Variants in BLTP1 observed in about 807,000 individuals in gnomAD.
BLTP1 encodes the protein fragile site-associated protein.
the BLTP1 span, chr4:122,259,981 T>C: frequency 2.4e-5 from 19 of 784,248 alleles, no homozygotes; most frequent in Non-Finnish European, 2.6e-5. Flanking sequence ...CAAAGTAATA[T>C]ATAGTCATGC....
chr4:122,166,507 T>C, the BLTP1 span, among the ~76,000 whole-genome samples: 3 of 152,230 alleles, frequency 2.0e-5, no homozygotes, highest in Non-Finnish European at 2.9e-5. Context: ...TCAGGTACCG[T>C]GATGCCTCCA....
At chr4:122,316,157 CG>C in the BLTP1 span, among the ~76,000 whole-genome samples, 11 of 152,084 alleles carry the variant, frequency 7.2e-5, no homozygotes, top group African/African-American at 2.2e-4. Flanking sequence ...TTTAAAAATA[CG>C]TATTTTCATC....
the BLTP1 span, chr4:122,355,771 T>C: frequency 6.4e-7 from 1 of 1,561,588 alleles, no homozygotes; most frequent in Admixed American, 1.8e-5. Flanking sequence ...TTAATTTGAC[T>C]CTCTCTTTAT....
the BLTP1 span, chr4:122,187,132 A>T: frequency 1.0e-6 from 1 of 984,342 alleles, no homozygotes; most frequent in Non-Finnish European, 1.2e-6. Context: ...AAAATGGTAG[A>T]TGTAATGACA....
At chr4:122,233,039 T>C in the BLTP1 span, among the ~76,000 whole-genome samples, 1 of 152,202 alleles carries the variant, frequency 6.6e-6, no homozygotes, top group African/African-American at 2.4e-5. Context: ...TTTTTAAAAA[T>C]ATGGCTCCCA....
At chr4:122,321,576 AG>A in the BLTP1 span, among the ~76,000 whole-genome samples, 1 of 152,156 alleles carries the variant, frequency 6.6e-6, no homozygotes, top group Admixed American at 6.5e-5. Flanking sequence ...TGATATATAT[AG>A]TCAAATACAT....
At chr4:122,339,375 A>G in the BLTP1 span, 1 of 1,612,932 alleles carries the variant, frequency 6.2e-7, no homozygotes. Context: ...TCAGAGTGGA[A>G]CAAAGACTTC....
At chr4:122,197,241 G>T in the BLTP1 span, 1 of 1,488,722 alleles carries the variant, frequency 6.7e-7, no homozygotes. Context: ...CTCATATTTA[G>T]AAATTAATAT....
the BLTP1 span, chr4:122,215,409 G>A: frequency 1.0e-6 from 1 of 985,244 alleles, no homozygotes; most frequent in African/African-American, 1.7e-5. Flanking sequence ...GACTTAAAAT[G>A]AGTGCTGGTA....
chr4:122,200,728 C>A, the BLTP1 span: 7 of 976,568 alleles, frequency 7.2e-6, no homozygotes, highest in Non-Finnish European at 8.5e-6. Flanking sequence ...TCGGTTGTTA[C>A]CCCATTGGTT....
the BLTP1 span, chr4:122,237,457 T>A: frequency 1.4e-6 from 1 of 690,730 alleles, no homozygotes; most frequent in Non-Finnish European, 1.8e-6. Context: ...CATCAGTGAA[T>A]GAAAAATGAT....
chr4:122,181,247 T>G, the BLTP1 span: 1 of 968,654 alleles, frequency 1.0e-6, no homozygotes, highest in African/African-American at 1.8e-5. Flanking sequence ...GTTCTTTTTT[T>G]TTAAAAGAGC....
At chr4:122,274,544 C>A in the BLTP1 span, 1 of 1,445,016 alleles carries the variant, frequency 6.9e-7, no homozygotes, top group East Asian at 2.8e-5. Flanking sequence ...ATATCAGTTC[C>A]CAGATACTGA....
At chr4:122,169,639 A>G in the BLTP1 span, 1 of 958,486 alleles carries the variant, frequency 1.0e-6, no homozygotes, top group African/African-American at 1.8e-5. Context: ...ACATCTCAAT[A>G]TTCATATTCA....
chr4:122,224,860 T>C, the BLTP1 span: 7 of 1,501,002 alleles, frequency 4.7e-6, no homozygotes, highest in Admixed American at 2.1e-5. Context: ...AGTTTGACTT[T>C]TCTGAGCCAC....
At chr4:122,351,952 G>C in the BLTP1 span, among the ~76,000 whole-genome samples, 1 of 152,146 alleles carries the variant, frequency 6.6e-6, no homozygotes, top group East Asian at 1.9e-4. Context: ...GAAAATAAAC[G>C]TTGTATGTTT....
chr4:122,263,040 A>G, the BLTP1 span: 1 of 1,541,390 alleles, frequency 6.5e-7, no homozygotes, highest in Admixed American at 1.9e-5. Flanking sequence ...ATTGAGATGA[A>G]ACAGGACTTA....
chr4:122,265,786 C>T, the BLTP1 span, among the ~76,000 whole-genome samples: 1 of 152,150 alleles, frequency 6.6e-6, no homozygotes, highest in Admixed American at 6.5e-5. Context: ...GCAAGCTCCA[C>T]CTCCCGGGTT....
chr4:122,345,864 A>G, the BLTP1 span: 1 of 176,646 alleles, frequency 5.7e-6, no homozygotes, highest in South Asian at 1.9e-4. Flanking sequence ...AAGAGAATCC[A>G]TAAACTTAAG....
Sources: allele counts gnomAD v4.1 joint callset (sites outside exome capture counted in the v4.1 genomes callset), GRCh38; gene constraint gnomAD v4.1.1; transcripts MANE v1.5; gene names NCBI Gene and HGNC (gene_info 2026-07-23, HGNC 2026-07-21).